JPH2: variants seen among roughly 807,000 people sequenced by gnomAD.
JPH2 encodes the protein junctophilin 2.
A neutral mutation model predicts 55.9 loss-of-function variants in JPH2; 38 were observed. The ratio of observed to expected loss-of-function variants is 0.68; its 90% CI spans 0.52 to 0.89. The LOEUF (loss-of-function observed/expected upper bound fraction) is 0.89, where lower values mean the gene tolerates loss of function less well. Ranked by LOEUF, JPH2 falls within the 40% of genes least tolerant of loss-of-function variation. JPH2 has a pLI of 0.00. For synonymous variants in JPH2, 480 were observed against 472.4 expected (o/e 1.02, Z -0.21); for missense variants, 964 against 1,037.6 (o/e 0.93, Z 0.97).
intron 2 of JPH2, among the ~76,000 whole-genome samples, chr20:44,148,829 C>T (rs1439028975): frequency 1.3e-5 from 2 of 151,992 alleles, no homozygotes; most frequent in African/African-American, 2.4e-5. Flanking sequence ...TTTGGGAGGC[C>T]GAGGTGGGTA....
At chr20:44,127,813 A>G (rs1170801258) in intron 2 of JPH2, among the ~76,000 whole-genome samples, 1 of 152,026 alleles carries the variant, frequency 6.6e-6, no homozygotes, top group East Asian at 1.9e-4. Flanking sequence ...TTGTTGCCAT[A>G]CTAGAGGTTT....
At chr20:44,146,115 G>A (rs1461220526) in intron 2 of JPH2, among the ~76,000 whole-genome samples, 1 of 150,886 alleles carries the variant, frequency 6.6e-6, no homozygotes, top group Non-Finnish European at 1.5e-5. Flanking sequence ...CTCACTGCAA[G>A]CTCCGCCTCC....
At chr20:44,165,398 C>T (rs1215255974) in intron 1 of JPH2, among the ~76,000 whole-genome samples, 1 of 152,164 alleles carries the variant, frequency 6.6e-6, no homozygotes, top group Non-Finnish European at 1.5e-5. Flanking sequence ...CCGCTTCTCA[C>T]CACCTCCACT....
In JPH2 at chr20:44,109,782, G is replaced by A. The variant is rs758556154; in HGVS notation, c.*3736C>T. Among the ~76,000 whole-genome samples the A allele has an allele frequency of 3.3e-5, 5 of 152,084 alleles. No individual in the cohort carries two copies. The South Asian group carries it at 1.0e-3, about 32-fold the overall frequency. On this transcript the variant is annotated 3_prime_UTR_variant, in exon 6 of 6. Transcript: ENST00000372980. ...GGCACCTCCAAAGGTCATCATCTGG[G>A]CCTGCATCTCTCCCAGAACAGCCAG...
intron 1 of JPH2, chr20:44,177,316 G>C: frequency 1.0e-6 from 1 of 986,402 alleles, no homozygotes; most frequent in South Asian, 4.7e-5. Flanking sequence ...TTCCTCATGA[G>C]GGTGTGGAGG....
chr20:44,137,703 G>C lies in JPH2; in HGVS notation c.1170-19080C>G, dbSNP rs1020839757. 2.0e-5 allele frequency among the ~76,000 whole-genome samples: 3 copies of C among 152,330 alleles called. No individual in the cohort carries two copies. The East Asian group carries it at 5.8e-4, about 29-fold the overall frequency. ...GGATTCGGCCCCAGGCACCGTGCCA[G>C]GTACTGGAGGTCCAGAGGAGGTTCC... On this transcript the variant is annotated intron_variant, in intron 2 of 5. Coordinates refer to ENST00000372980, the MANE Select transcript of JPH2 (RefSeq NM_020433.5).
chr20:44,178,708 G>C (rs1168822081), intron 1 of JPH2, among the ~76,000 whole-genome samples: 1 of 152,214 alleles, frequency 6.6e-6, no homozygotes, highest in South Asian at 2.1e-4. Context: ...ATTTTGAACA[G>C]GAAGAGCAAA....
At chr20:44,161,671 C>T (rs1279161738) in intron 1 of JPH2, among the ~76,000 whole-genome samples, 1 of 151,924 alleles carries the variant, frequency 6.6e-6, no homozygotes, top group Non-Finnish European at 1.5e-5. Context: ...TGTGATTCTA[C>T]AAAGTTGTGC....
At chr20:44,137,879 T>C (rs929493263) in intron 2 of JPH2, among the ~76,000 whole-genome samples, 1 of 152,144 alleles carries the variant, frequency 6.6e-6, no homozygotes, top group Non-Finnish European at 1.5e-5. Context: ...AATCTGTCTT[T>C]CAGGCCAGTG....
Position 44,108,477 on chromosome 20 carries a change from G to A in JPH2, c.*5041C>T, listed in dbSNP as rs1419561645. Among the ~76,000 whole-genome samples the A allele has an allele frequency of 2.0e-5, 3 of 152,046 alleles. No homozygotes were observed. The highest frequency in any genetic ancestry group is 2.1e-4 in the South Asian group (1 of 4,810). ...CCAAACTTGTATCTGGGGTCTGAAG[G>A]GAGAGGGGGAGATTGTTCCCTCAGA... On this transcript the variant is annotated 3_prime_UTR_variant, in exon 6 of 6. Coordinates refer to ENST00000372980, the MANE Select transcript of JPH2 (RefSeq NM_020433.5).
At chr20:44,161,413 G>A (rs548680944) in intron 1 of JPH2, among the ~76,000 whole-genome samples, 2 of 152,206 alleles carry the variant, frequency 1.3e-5, no homozygotes, top group Non-Finnish European at 2.9e-5. Flanking sequence ...CAAGTCTTAT[G>A]TGTGTGGAGA....
chr20:44,147,797 C>T (rs954445332), intron 2 of JPH2, among the ~76,000 whole-genome samples: 1 of 152,100 alleles, frequency 6.6e-6, no homozygotes, highest in Non-Finnish European at 1.5e-5. Flanking sequence ...AGGGTGGTGG[C>T]TCAGAACATA....
chr20:44,130,498 G>T (rs2072310125), intron 2 of JPH2, among the ~76,000 whole-genome samples: 1 of 152,238 alleles, frequency 6.6e-6, no homozygotes, highest in Admixed American at 6.5e-5. Context: ...ACGGAGATCT[G>T]GCTGCACTTT....
At chr20:44,150,005 T>C (rs1189627401) in intron 2 of JPH2, among the ~76,000 whole-genome samples, 4 of 147,386 alleles carry the variant, frequency 2.7e-5, no homozygotes, top group African/African-American at 5.0e-5. Context: ...GAAGAGTTCA[T>C]GCTAACCGGA....
intron 2 of JPH2, among the ~76,000 whole-genome samples, chr20:44,146,186 G>A (rs549525146): frequency 1.6e-4 from 25 of 151,992 alleles, no homozygotes; most frequent in African/African-American, 5.3e-4. Flanking sequence ...GGCGCCCACT[G>A]CCACGCCCAG....
rs1569176777 is a variant in JPH2 at position 44,110,065 on chromosome 20, T to C, written c.*3453A>G. On this transcript the variant is annotated 3_prime_UTR_variant, in exon 6 of 6. Transcript: ENST00000372980. ...TTAGAAGAGGAGGCATCGGCCTGGC[T>C]GTGTCCTACCCTTGAGCCAACAGGG... Among the ~76,000 whole-genome samples the C allele has an allele frequency of 6.6e-6, 1 of 152,198 alleles. No homozygotes were observed. The highest frequency in any genetic ancestry group is 1.5e-5 in the Non-Finnish European group (1 of 68,030).
At chr20:44,149,876 G>A (rs1319117481) in intron 2 of JPH2, among the ~76,000 whole-genome samples, 1 of 150,820 alleles carries the variant, frequency 6.6e-6, no homozygotes, top group African/African-American at 2.4e-5. Flanking sequence ...TACTGGGGAG[G>A]CTGAGGCATG....
intron 1 of JPH2, among the ~76,000 whole-genome samples, chr20:44,169,062 G>A (rs2072677964): frequency 6.6e-6 from 1 of 152,122 alleles, no homozygotes. Context: ...GCCATGAGTG[G>A]AAGCAGCCTG....
intron 1 of JPH2, among the ~76,000 whole-genome samples, 154 bp downstream of exon 1, chr20:44,186,173 G>T (rs975180849): frequency 6.6e-6 from 1 of 152,100 alleles, no homozygotes; most frequent in African/African-American, 2.4e-5. Context: ...TGGAAGCTCA[G>T]AAAGGTAGAG....
Sources: allele counts gnomAD v4.1 joint callset (sites outside exome capture counted in the v4.1 genomes callset), GRCh38; gene constraint gnomAD v4.1.1; transcripts MANE v1.5; gene names NCBI Gene and HGNC (gene_info 2026-07-23, HGNC 2026-07-21).